Variants in OSBPL1A observed in about 807,000 individuals in gnomAD.
OSBPL1A encodes the protein oxysterol-binding protein-related protein 1.
A neutral mutation model predicts 137.1 loss-of-function variants in OSBPL1A; 80 were observed. The observed-to-expected ratio is 0.58, with a 90% confidence interval of 0.49 to 0.70. The LOEUF is 0.70. Ranked by LOEUF, OSBPL1A falls within the 30% of genes least tolerant of loss-of-function variation. The probability of loss-of-function intolerance (pLI) is 0.00; values close to 1 mark genes in which losing one functional copy is unlikely to be tolerated. For missense variants in OSBPL1A, 970 were observed against 1,129.4 expected (o/e 0.86, Z 2.02); for synonymous variants, 365 against 389.7 (o/e 0.94, Z 0.75).
chr18:24,344,795 G>A (rs1382165842), intron 4 of OSBPL1A, among the ~76,000 whole-genome samples: 1 of 151,940 alleles, frequency 6.6e-6, no homozygotes, highest in Non-Finnish European at 1.5e-5. Flanking sequence ...CAAAAGAAAA[G>A]AGAATGTGGG....
At position 24,165,218 on chromosome 18, in the gene OSBPL1A, T is replaced by C. The variant is rs962524580; in HGVS notation, c.2660-63A>G. 5.7e-6 allele frequency: 8 copies of C among 1,410,966 alleles called. No homozygotes were observed. The African/African-American group carries it at 1.0e-4, about 18-fold the overall frequency. 87.4% of individuals were successfully genotyped at this position (1,410,966 alleles called of 1,614,324 possible). On this transcript the variant is annotated intron_variant, in intron 26 of 27. Transcript: ENST00000319481. ...ACACAGAGGATGCCAGGCACAGTATTAAGCACAAGAACTTCACAAAAGAAC... is the reference window on the plus strand; with the variant it reads ...ACACAGAGGATGCCAGGCACAGTATCAAGCACAAGAACTTCACAAAAGAAC...
chr18:24,397,671 G>C lies in OSBPL1A; in HGVS notation c.-19C>G, dbSNP rs1907857920. The C allele has an allele frequency of 6.6e-6, 1 of 152,252 alleles. No individual in the cohort carries two copies. The highest frequency in any genetic ancestry group is 2.4e-5 in the African/African-American group (1 of 41,448). The allele number at this position is 152,252 out of a possible 1,614,324, so 9.4% of individuals were successfully genotyped here. ...GAAACTGACCTACGCGGTCACCCGG[G>C]CTCCCAGAGCTCCCGAGGCGGTGGC... On this transcript the variant is annotated 5_prime_UTR_variant, in exon 1 of 28. Coordinates refer to ENST00000319481, the MANE Select transcript of OSBPL1A (RefSeq NM_080597.4).
intron 27 of OSBPL1A, 120 bp from the exon 28 acceptor site, chr18:24,163,401 C>T (rs7243112): frequency 1.5e-6 from 1 of 662,060 alleles, no homozygotes; most frequent in Non-Finnish European, 2.6e-6. Context: ...AGGGATAGTT[C>T]TAAAGAGATG....
At chr18:24,232,001 T>C (rs769765465) in intron 16 of OSBPL1A, among the ~76,000 whole-genome samples, 1 of 152,210 alleles carries the variant, frequency 6.6e-6, no homozygotes, top group African/African-American at 2.4e-5. Flanking sequence ...CTCCTGTTAC[T>C]GAAGGTAACA....
At chr18:24,339,897 A>G (rs1174883323) in intron 5 of OSBPL1A, among the ~76,000 whole-genome samples, 1 of 152,276 alleles carries the variant, frequency 6.6e-6, no homozygotes, top group Non-Finnish European at 1.5e-5. Context: ...TTTAAACTAT[A>G]GAATGAGTGA....
At chr18:24,217,338 A>AC (rs1189165774) in intron 17 of OSBPL1A, among the ~76,000 whole-genome samples, 2 of 150,538 alleles carry the variant, frequency 1.3e-5, no homozygotes, top group Admixed American at 1.3e-4. Flanking sequence ...GCTCATAGCA[A>AC]CCTCCACTTC....
In OSBPL1A at chr18:24,180,603, G is replaced by T. The variant is rs1226803257; in HGVS notation, c.1812+542C>A. ...GATTTAGCAAAAGCCAGCCGGGCAC[G>T]GTGGCTCATGCCTGTAATCCCAGCA... is the stretch of plus-strand genomic sequence containing the variant. On this transcript the variant is annotated intron_variant, in intron 19 of 27. Coordinates refer to ENST00000319481, the MANE Select transcript of OSBPL1A (RefSeq NM_080597.4). Among the ~76,000 whole-genome samples the T allele has an allele frequency of 2.6e-5, 4 of 152,138 alleles. 1 individual carries two copies. The East Asian group carries it at 7.7e-4, about 29-fold the overall frequency.
At chr18:24,240,779 G>A (rs921963315) in intron 15 of OSBPL1A, among the ~76,000 whole-genome samples, 3 of 152,186 alleles carry the variant, frequency 2.0e-5, no homozygotes, top group South Asian at 2.1e-4. Flanking sequence ...AGATGTTTTC[G>A]AAAGCAGTTG....
At chr18:24,266,881 AAGAC>A (rs1397787403) in intron 15 of OSBPL1A, among the ~76,000 whole-genome samples, 1 of 152,158 alleles carries the variant, frequency 6.6e-6, no homozygotes, top group Non-Finnish European at 1.5e-5. Flanking sequence ...CCAGGTTCAA[AAGAC>A]AGAGGATAAT....
In OSBPL1A at chr18:24,175,127, T is replaced by C. The variant is rs945300310; in HGVS notation, c.2094-2644A>G. Among the ~76,000 whole-genome samples, 18 of 118,946 alleles carry C rather than the reference T, an allele frequency of 1.5e-4. 1 individual carries two copies. In the East Asian group the frequency reaches 2.0e-3, roughly 13 times the overall value. 78.0% of individuals were successfully genotyped at this position (118,946 alleles called of 152,430 possible). On this transcript the variant is annotated intron_variant, in intron 21 of 27. Coordinates refer to ENST00000319481, the MANE Select transcript of OSBPL1A (RefSeq NM_080597.4). ...GTGTATGTATATATATATATATATA[T>C]ATATATATACACATATATATATATA...
chr18:24,324,602 A>AT (rs1204274415), intron 7 of OSBPL1A, among the ~76,000 whole-genome samples: 354 of 26,324 alleles, frequency 0.013, 95 homozygotes, highest in African/African-American at 0.1. Flanking sequence ...GAATATGAAT[A>AT]TAAAAAAAAA....
chr18:24,200,382 T>C (rs2087182710), intron 17 of OSBPL1A, among the ~76,000 whole-genome samples: 1 of 151,920 alleles, frequency 6.6e-6, no homozygotes, highest in Non-Finnish European at 1.5e-5. Context: ...GCCAAGATGG[T>C]GAAACCCTGT....
chr18:24,361,489 T>C (rs2091620691), intron 4 of OSBPL1A, among the ~76,000 whole-genome samples: 1 of 152,248 alleles, frequency 6.6e-6, no homozygotes, highest in Non-Finnish European at 1.5e-5. Flanking sequence ...TATATGCTGA[T>C]GCTCATGTCA....
intron 16 of OSBPL1A, 43 bp from the exon 17 acceptor site, chr18:24,225,241 G>A (rs1367117578): frequency 1.9e-6 from 3 of 1,606,856 alleles, no homozygotes; most frequent in South Asian, 2.2e-5. Context: ...GAACTTGGGT[G>A]TGAGGCTTCC....
At chr18:24,289,084 AG>A (rs1299810616) in intron 14 of OSBPL1A, among the ~76,000 whole-genome samples, 3 of 152,194 alleles carry the variant, frequency 2.0e-5, no homozygotes, top group African/African-American at 4.8e-5. Context: ...ATGTATTTTT[AG>A]GGATGAAGAA....
intron 15 of OSBPL1A, among the ~76,000 whole-genome samples, chr18:24,263,052 A>T (rs1277026544): frequency 1.3e-5 from 2 of 152,174 alleles, no homozygotes; most frequent in Non-Finnish European, 2.9e-5. Context: ...TGTCTCTGAA[A>T]ATAGCTTTCT....
intron 5 of OSBPL1A, among the ~76,000 whole-genome samples, chr18:24,337,134 C>A (rs2091188011): frequency 6.6e-6 from 1 of 152,100 alleles, no homozygotes; most frequent in African/African-American, 2.4e-5. Context: ...TGAATCTAAT[C>A]ACAAGAGAAA....
chr18:24,311,186 C>G (rs1218005828), intron 13 of OSBPL1A, among the ~76,000 whole-genome samples: 1 of 152,120 alleles, frequency 6.6e-6, no homozygotes, highest in African/African-American at 2.4e-5. Context: ...TGATAAAACT[C>G]CATAGGTATT....
chr18:24,188,024 T>A (rs2086795151), intron 18 of OSBPL1A, among the ~76,000 whole-genome samples: 1 of 152,232 alleles, frequency 6.6e-6, no homozygotes, highest in Non-Finnish European at 1.5e-5. Context: ...CTTTAAAAGT[T>A]TATTCATTAA....
Sources: allele counts gnomAD v4.1 joint callset (sites outside exome capture counted in the v4.1 genomes callset), GRCh38; gene constraint gnomAD v4.1.1; transcripts MANE v1.5; gene names NCBI Gene and HGNC (gene_info 2026-07-23, HGNC 2026-07-21).